TOMM22: variants seen among roughly 807,000 people sequenced by gnomAD.
The protein encoded by TOMM22 is translocase of outer mitochondrial membrane 22.
Under a neutral mutation model 17.1 loss-of-function variants are expected in TOMM22, and 3 were observed. That is an observed-to-expected ratio of 0.18 (90% confidence interval 0.08 to 0.45). TOMM22 has a LOEUF of 0.45. Ranked by LOEUF, TOMM22 falls within the 20% of genes least tolerant of loss-of-function variation. The pLI is 0.99. For missense variants in TOMM22, 159 were observed against 179.5 expected (o/e 0.89, Z 0.65); for synonymous variants, 91 against 74.0 (o/e 1.23, Z -1.18).
chr22:38,683,231 C>T (rs527583804), intron 3 of TOMM22, among the ~76,000 whole-genome samples: 1 of 151,706 alleles, frequency 6.6e-6, no homozygotes, highest in East Asian at 1.9e-4. Flanking sequence ...TGAAATAATT[C>T]TATAACGTAG....
At chr22:38,683,150 G>GGGGGGGGGGGGC (rs60970723) in intron 3 of TOMM22, among the ~76,000 whole-genome samples, 154 bp downstream of exon 3, 5 of 136,910 alleles carry the variant, frequency 3.7e-5, no homozygotes, top group African/African-American at 5.8e-5. Context: ...GTCGGGGGGG[G>GGGGGGGGGGGGC]GGTTCTGGAT....
At chr22:38,683,085 A>C in intron 3 of TOMM22, 89 bp downstream of exon 3, 1 of 810,002 alleles carries the variant, frequency 1.2e-6, no homozygotes, top group Non-Finnish European at 1.7e-6. Flanking sequence ...GGCACCAGGG[A>C]CTGGTTTCAT....
chr22:38,682,379 G>T lies in TOMM22; in HGVS notation c.174G>T (p.Arg58Ser). The T allele has an allele frequency of 6.2e-7, 1 of 1,614,194 alleles. No individual in the cohort carries two copies. The highest frequency in any genetic ancestry group is 8.5e-7 in the Non-Finnish European group (1 of 1,180,028). Residue 58 changes from arginine (R) to serine (S), a missense_variant, in exon 2 of 4, where the codon AGG (arginine) becomes AGT (serine). Physicochemically the swap from Arg to Ser is moderately radical, Grantham distance 110. Transcript: ENST00000216034. ...GCCTGACGGAGATGTTTCCGGAGAG[G>T]GTCCGGTCCGCGGCCGGAGCCACTT... ...LWGLTEMFPE[R>S]VRSAAGATFD...
At chr22:38,683,595 T>C (rs1483573512) in intron 3 of TOMM22, among the ~76,000 whole-genome samples, 172 bp from the exon 4 acceptor site, 1 of 152,246 alleles carries the variant, frequency 6.6e-6, no homozygotes, top group Non-Finnish European at 1.5e-5. Flanking sequence ...TTGTAGCACC[T>C]GAGTTGACCA....
chr22:38,684,087 C>G lies in TOMM22; in HGVS notation c.*246C>G. The G allele has an allele frequency of 2.2e-6, 1 of 457,078 alleles. No homozygotes were observed. Among genetic ancestry groups the G allele is most frequent in the Non-Finnish European group, 4.0e-6 (1 of 250,844 alleles). The allele number at this position is 457,078 out of a possible 1,614,324, so 28.3% of individuals were successfully genotyped here. A position where few individuals can be genotyped will look rare whatever the true frequency, so the allele number is the denominator to read the frequency against. On this transcript the variant is annotated 3_prime_UTR_variant, in exon 4 of 4. Coordinates refer to ENST00000216034, the MANE Select transcript of TOMM22 (RefSeq NM_020243.5). ...AGCCATGCAGATGGTTATTCCAGCT[C>G]TGGTCACCCGACTCCTTTCACCAAA...
chr22:38,683,777 G>A lies in TOMM22; in HGVS notation c.365G>A (p.Gly122Glu), dbSNP rs890390089. 2 of 1,613,880 alleles carry A rather than the reference G, an allele frequency of 1.2e-6. No homozygotes were observed. Among genetic ancestry groups the A allele is most frequent in the Non-Finnish European group, 1.7e-6 (2 of 1,179,894 alleles). ...QQLQQRQILLGPNTGLSGGMP... is the reference protein window; with the variant it reads ...QQLQQRQILLEPNTGLSGGMP... ...CCTTTTCTTTTCCAGATACTTCTAG[G>A]ACCTAACACAGGGCTCTCAGGAGGA... Residue 122 changes from glycine to glutamate, a missense_variant, in exon 4 of 4, where the codon GGA (glycine) becomes GAA (glutamate). Physicochemically the swap from Gly to Glu is moderately conservative, Grantham distance 98. This residue lies in a region of TOMM22 where 33 missense variants were observed against 34.7 expected (regional missense o/e 0.95). Coordinates refer to ENST00000216034, the MANE Select transcript of TOMM22 (RefSeq NM_020243.5).
Position 38,682,914 on chromosome 22 carries a change from C to G in TOMM22, c.272C>G (p.Ser91Cys), listed in dbSNP as rs2092483556. The change falls in exon 3 of 4, where the codon TCC becomes TGC. Residue 91 changes from serine to cysteine, a missense_variant. Ser to Cys is a moderately radical substitution (Grantham distance 112). Around this residue, in one of 3 missense-constraint regions of TOMM22, gnomAD observed 19 missense variants for 44.6 expected, o/e 0.43. Transcript: ENST00000216034. ...SRAALWIGTT[S>C]FMILVLPVVF... ...GCAGCCTTGTGGATTGGGACCACTT[C>G]CTTTATGATCCTGGTTCTTCCCGTT... 6.2e-7 allele frequency: 1 copy of G among 1,613,608 alleles called. No individual in the cohort carries two copies. Among genetic ancestry groups the G allele is most frequent in the African/African-American group, 1.3e-5 (1 of 74,988 alleles).
In TOMM22 at chr22:38,684,137, T is replaced by C; in HGVS notation, c.*296T>C. 2.6e-6 allele frequency: 1 copy of C among 377,608 alleles called. No homozygotes were observed. Among genetic ancestry groups the C allele is most frequent in the Non-Finnish European group, 4.9e-6 (1 of 205,536 alleles). The allele number at this position is 377,608 out of a possible 1,614,324, so 23.4% of individuals were successfully genotyped here. ...ATTGCTCCTAACTGGAAGATCTCAC[T>C]TTCCCCTTGTGGGGTAGGAACCGAT... On this transcript the variant is annotated 3_prime_UTR_variant, in exon 4 of 4. Transcript: ENST00000216034.
intron 3 of TOMM22, 63 bp from the exon 4 acceptor site, chr22:38,683,704 G>A (rs918978045): frequency 4.6e-6 from 6 of 1,315,628 alleles, no homozygotes; most frequent in Admixed American, 3.6e-5. Flanking sequence ...GCCCCATCAG[G>A]TATGGTGAGA....
rs924082554 is a variant in TOMM22 at position 38,683,947 on chromosome 22, T to G, written c.*106T>G. 5.1e-6 allele frequency: 5 copies of G among 981,336 alleles called. No homozygotes were observed. The African/African-American group carries it at 6.5e-5, about 13-fold the overall frequency. 60.8% of individuals were successfully genotyped at this position (981,336 alleles called of 1,614,324 possible). ...TTTTTTTTTAACTTTGGCACATTGA[T>G]CTATCTAAACCTGGTGGGGAGAATT... On this transcript the variant is annotated 3_prime_UTR_variant, in exon 4 of 4. Transcript: ENST00000216034.
chr22:38,683,150 G>GGGGGGGGGGGGGGGGCC (rs60970723), intron 3 of TOMM22, among the ~76,000 whole-genome samples, 154 bp downstream of exon 3: 2 of 137,040 alleles, frequency 1.5e-5, no homozygotes, highest in Admixed American at 7.3e-5. Context: ...GTCGGGGGGG[G>GGGGGGGGGGGGGGGGCC]GGTTCTGGAT....
At chr22:38,683,065 C>A in intron 3 of TOMM22, 69 bp downstream of exon 3, 1 of 1,172,954 alleles carries the variant, frequency 8.5e-7, no homozygotes, top group Non-Finnish European at 1.2e-6. Flanking sequence ...CATTGGTCCC[C>A]AACCTTTTTG....
chr22:38,683,634 T>C, intron 3 of TOMM22, 133 bp from the exon 4 acceptor site: 1 of 641,604 alleles, frequency 1.6e-6, no homozygotes, highest in South Asian at 2.0e-5. Context: ...GGGATTGGGA[T>C]CGGGCCCATG....
rs1384553962 is a variant in TOMM22, at chr22:38,681,988, G to C, written c.10G>C (p.Ala4Pro). MAA[A>P]VAAAGAGEPQ... The stretch of plus-strand genomic sequence containing the variant: ...GGTGTCCCCTACAGTCATGGCTGCC[G>C]CCGTCGCTGCTGCCGGTGCAGGGGA... Residue 4 changes from alanine (A) to proline (P), a missense_variant, in exon 1 of 4, where the codon GCC becomes CCC. Ala to Pro is a conservative substitution (Grantham distance 27, BLOSUM62 -1). Coordinates refer to ENST00000216034, the MANE Select transcript of TOMM22 (RefSeq NM_020243.5). 6 of 1,610,564 alleles carry C rather than the reference G, an allele frequency of 3.7e-6. No homozygotes were observed. Among genetic ancestry groups the C allele is most frequent in the Non-Finnish European group, 5.1e-6 (6 of 1,178,952 alleles).
chr22:38,682,170 G>C (rs2092480461), intron 1 of TOMM22, 75 bp downstream of exon 1: 1 of 1,509,862 alleles, frequency 6.6e-7, no homozygotes, highest in Non-Finnish European at 9.0e-7. Flanking sequence ...GTACGGGATC[G>C]GAGCGAAGCG....
chr22:38,683,664 G>A, intron 3 of TOMM22, 103 bp from the exon 4 acceptor site: 1 of 834,994 alleles, frequency 1.2e-6, no homozygotes, highest in Non-Finnish European at 2.0e-6. Flanking sequence ...TTGTCTGACT[G>A]TGCTTTCAGT....
In TOMM22 at chr22:38,682,939, T is replaced by A; in HGVS notation, c.297T>A (p.Val99=). The A allele has an allele frequency of 6.2e-7, 1 of 1,613,882 alleles. No individual in the cohort carries two copies. The highest frequency in any genetic ancestry group is 8.5e-7 in the Non-Finnish European group (1 of 1,179,882). Residue 99 remains valine, a synonymous_variant, in exon 3 of 4, where the codon GTT becomes GTA. Coordinates refer to ENST00000216034, the MANE Select transcript of TOMM22 (RefSeq NM_020243.5). ...CCTTTATGATCCTGGTTCTTCCCGT[T>A]GTCTTTGAGACGGAGAAGTTGCAAA... ...TTSFMILVLP[V]VFETEKLQME...
chr22:38,682,115 T>G lies in TOMM22; in HGVS notation c.117+20T>G. On this transcript the variant is annotated intron_variant, in intron 1 of 3. Transcript: ENST00000216034. ...GAGGAGGTACTAGGGCCTCGCGGGG[T>G]GCAGAGCGGGAAGCGGGCCCGCTCG... is the stretch of plus-strand genomic sequence containing the variant. The G allele has an allele frequency of 3.8e-6, 6 of 1,559,228 alleles. No homozygotes were observed. The highest frequency in any genetic ancestry group is 1.4e-5 in the African/African-American group (1 of 73,604).
In TOMM22 at chr22:38,682,856, C is replaced by T. The variant is rs200420197; in HGVS notation, c.237-23C>T. On this transcript the variant is annotated intron_variant, in intron 2 of 3. Transcript: ENST00000216034. ...TTTGTTTGCATGTCTTCATGCTCAC[C>T]CTCTGGGGATTTTCCTCTGCAGGTT... 5.1e-4 allele frequency: 822 copies of T among 1,605,672 alleles called. 6 individuals carry two copies. In the Middle Eastern group the frequency reaches 6.4e-3, roughly 13 times the overall value.
Sources: gnomAD v4.1 joint callset for allele counts (sites outside exome capture counted in the v4.1 genomes callset) on GRCh38, gnomAD v4.1.1 for gene constraint, gnomAD v4.1.1 regional missense constraint, MANE v1.5 for transcripts, NCBI Gene and HGNC (gene_info 2026-07-23, HGNC 2026-07-21) for gene names.